Variants in TAB1 observed in about 807,000 individuals in gnomAD.
TAB1 encodes the protein TGF-beta-activated kinase 1 and MAP3K7-binding protein 1.
In TAB1, 30 loss-of-function variants were observed where a neutral mutation model predicts 54.5. The observed-to-expected ratio is 0.55, with a 90% CI of 0.41 to 0.75. The LOEUF is 0.75. TAB1 is among the 30% of genes least tolerant of loss of function. The pLI, the probability that TAB1 is intolerant of heterozygous loss-of-function variation, is 0.00. For synonymous variants in TAB1, 289 were observed against 286.9 expected, an observed-to-expected ratio of 1.01 and a Z score of -0.07; for missense variants, 609 against 683.2, an observed-to-expected ratio of 0.89 and a Z score of 1.21.
intron 1 of TAB1, among the ~76,000 whole-genome samples, chr22:39,411,330 T>C (rs1926596548): frequency 6.6e-6 from 1 of 152,146 alleles, no homozygotes; most frequent in Admixed American, 6.5e-5. Context: ...AACTAAAACC[T>C]TTGCTCTGCA....
At chr22:39,428,874 C>G (rs1475541767) in intron 10 of TAB1, among the ~76,000 whole-genome samples, 1 of 152,252 alleles carries the variant, frequency 6.6e-6, no homozygotes, top group African/African-American at 2.4e-5. Flanking sequence ...TCTGCCCCAT[C>G]AGGGGGCCTT....
intron 1 of TAB1, among the ~76,000 whole-genome samples, chr22:39,409,335 A>G (rs767192973): frequency 4.6e-5 from 7 of 152,242 alleles, no homozygotes; most frequent in Non-Finnish European, 1.0e-4. Flanking sequence ...CTCGCTGGAA[A>G]TGAAAATATA....
At chr22:39,432,809 G>T, downstream of TAB1, 1 of 985,506 alleles carries the variant, frequency 1.0e-6, no homozygotes, top group African/African-American at 1.7e-5. Flanking sequence ...TATGTCCCCT[G>T]TCCCCAGCCT....
chr22:39,419,801 G>A (rs1926991782), intron 7 of TAB1, among the ~76,000 whole-genome samples, 171 bp downstream of exon 7: 1 of 151,914 alleles, frequency 6.6e-6, no homozygotes, highest in Non-Finnish European at 1.5e-5. Flanking sequence ...AAAAAAAAAG[G>A]TCCAGAAGGC....
rs34148069 is a variant in TAB1 at position 39,401,733 on chromosome 22, G to A, written c.33+1898G>A. Among the ~76,000 whole-genome samples, 674 of 152,298 alleles carry A rather than the reference G, an allele frequency of 4.4e-3. 9 individuals are homozygous for A. Among genetic ancestry groups the A allele is most frequent in the African/African-American group, 0.015 (637 of 41,568 alleles). The stretch of plus-strand genomic sequence containing the variant: ...CTTTAAACACATTGCATCTTGGTGC[G>A]TGGCAAAGGGATGGCAGGGATGTCA... On this transcript the variant is annotated intron_variant, in intron 1 of 10. Transcript: ENST00000216160.
chr22:39,421,236 C>T (rs1055507559), intron 7 of TAB1, among the ~76,000 whole-genome samples: 3 of 152,120 alleles, frequency 2.0e-5, no homozygotes, highest in East Asian at 3.9e-4. Context: ...GTTAGGATGG[C>T]GTCATTCTGT....
downstream of TAB1, chr22:39,431,904 C>CT: frequency 1.8e-5 from 18 of 984,754 alleles, no homozygotes; most frequent in Non-Finnish European, 2.2e-5. Flanking sequence ...CTCATGTTTC[C>CT]TGTAACTCGC....
chr22:39,407,737 G>A (rs7284541), intron 1 of TAB1, among the ~76,000 whole-genome samples: 2,078 of 152,016 alleles, frequency 0.014, 47 homozygotes, highest in Admixed American at 0.056. Context: ...CGCCGGTCTC[G>A]GCCTCCTAAA....
chr22:39,429,300 C>A, intron 10 of TAB1: 1 of 985,322 alleles, frequency 1.0e-6, no homozygotes, highest in Non-Finnish European at 1.2e-6. Flanking sequence ...GACACCTTGC[C>A]CGCCCTGCTG....
chr22:39,430,317 G>A lies in TAB1; in HGVS notation c.*95G>A, dbSNP rs1366254374. On this transcript the variant is annotated 3_prime_UTR_variant, in exon 11 of 11. Transcript: ENST00000216160. ...TCTGCCTGTGCCACAACGGCCAGCA[G>A]GTGCCCCATCCTCTGCCCACAGCAG... The A allele has an allele frequency of 4.5e-6, 7 of 1,565,404 alleles. No individual in the cohort carries two copies. In the Admixed American group the frequency reaches 7.0e-5, roughly 16 times the overall value.
intron 1 of TAB1, among the ~76,000 whole-genome samples, chr22:39,400,821 G>A (rs1222615778): frequency 1.3e-5 from 2 of 152,114 alleles, no homozygotes; most frequent in Non-Finnish European, 2.9e-5. Flanking sequence ...GGATCACGAG[G>A]TCAGGAGATC....
At chr22:39,427,493 T>C (rs1568987067) in intron 9 of TAB1, among the ~76,000 whole-genome samples, 1 of 152,216 alleles carries the variant, frequency 6.6e-6, no homozygotes, top group Non-Finnish European at 1.5e-5. Flanking sequence ...AGGTGGCTGC[T>C]CTTTCCCGTG....
intron 1 of TAB1, among the ~76,000 whole-genome samples, chr22:39,401,097 G>T (rs1203243202): frequency 6.8e-6 from 1 of 148,024 alleles, no homozygotes; most frequent in Non-Finnish European, 1.5e-5. Context: ...GTGATCTCTT[G>T]TTTACCGCTG....
At chr22:39,433,581 C>T (rs986509882), downstream of TAB1, 8 of 985,454 alleles carry the variant, frequency 8.1e-6, no homozygotes, top group Middle Eastern at 5.2e-4. Context: ...CCGCAGCACC[C>T]GTGAGCCATC....
chr22:39,425,273 A>G (rs1927270274), intron 8 of TAB1, among the ~76,000 whole-genome samples: 1 of 151,376 alleles, frequency 6.6e-6, no homozygotes, highest in Non-Finnish European at 1.5e-5. Flanking sequence ...AATCCTAGCT[A>G]CTCGGGAGGC....
chr22:39,428,865 C>G (rs1391725235), intron 10 of TAB1, among the ~76,000 whole-genome samples: 3 of 152,250 alleles, frequency 2.0e-5, no homozygotes, highest in African/African-American at 7.2e-5. Context: ...CTGCATGCCT[C>G]TGCCCCATCA....
intron 1 of TAB1, among the ~76,000 whole-genome samples, chr22:39,407,736 C>T (rs984535721): frequency 2.6e-5 from 4 of 152,180 alleles, no homozygotes; most frequent in African/African-American, 9.6e-5. Flanking sequence ...TCGCCGGTCT[C>T]GGCCTCCTAA....
Position 39,430,327 on chromosome 22 carries a change from C to T in TAB1, c.*105C>T. The stretch of plus-strand genomic sequence containing the variant: ...CCACAACGGCCAGCAGGTGCCCCAT[C>T]CTCTGCCCACAGCAGACTCTGTCCC... On this transcript the variant is annotated 3_prime_UTR_variant, in exon 11 of 11. Transcript: ENST00000216160. 1 of 1,548,572 alleles carries T rather than the reference C, an allele frequency of 6.5e-7. No individual in the cohort carries two copies. The highest frequency in any genetic ancestry group is 1.2e-5 in the South Asian group (1 of 83,856).
At chr22:39,429,453 T>G in intron 10 of TAB1, 11 of 726,820 alleles carry the variant, frequency 1.5e-5, no homozygotes, top group Non-Finnish European at 1.7e-5. Flanking sequence ...TTGTGGCTAT[T>G]AGACGCTTGA....
Sources: allele counts gnomAD v4.1 joint callset (sites outside exome capture counted in the v4.1 genomes callset), GRCh38; gene constraint gnomAD v4.1.1; transcripts MANE v1.5; gene names NCBI Gene and HGNC (gene_info 2026-07-23, HGNC 2026-07-21).